MAP4K5: variants seen among roughly 807,000 people sequenced by gnomAD.
MAP4K5 encodes the protein mitogen-activated protein kinase kinase kinase kinase 5, also known as MAPK/ERK kinase kinase kinase 5.
Under a neutral mutation model 135.6 loss-of-function variants are expected in MAP4K5, and 82 were observed. The observed-to-expected ratio is 0.60, with a 90% CI of 0.51 to 0.73. The LOEUF (loss-of-function observed/expected upper bound fraction) is 0.73, where lower values mean the gene tolerates loss of function less well. Ranked by LOEUF, MAP4K5 falls within the 30% of genes least tolerant of loss-of-function variation. The probability of loss-of-function intolerance (pLI) is 0.00; values close to 1 mark genes in which losing one functional copy is unlikely to be tolerated. For missense variants in MAP4K5, 907 were observed against 1,010.9 expected, an observed-to-expected ratio of 0.90 and a Z score of 1.39; for synonymous variants, 347 against 335.0, an observed-to-expected ratio of 1.04 and a Z score of -0.39.
At chr14:50,548,919 A>G (rs1280274630) in intron 1 of MAP4K5, among the ~76,000 whole-genome samples, 1 of 152,228 alleles carries the variant, frequency 6.6e-6, no homozygotes, top group African/African-American at 2.4e-5. Flanking sequence ...ACCAGAAAGC[A>G]GACCACACAA....
intron 13 of MAP4K5, among the ~76,000 whole-genome samples, chr14:50,461,171 G>A (rs145991799): frequency 0.012 from 1,873 of 151,990 alleles, 22 homozygotes; most frequent in Non-Finnish European, 0.019. Context: ...GACTACAGGC[G>A]CCTGCCATCA....
At chr14:50,540,588 T>A (rs2038548548) in intron 2 of MAP4K5, among the ~76,000 whole-genome samples, 1 of 152,162 alleles carries the variant, frequency 6.6e-6, no homozygotes, top group African/African-American at 2.4e-5. Context: ...GGAGGTTAAT[T>A]GATATTAGCT....
chr14:50,518,855 G>C (rs985285949), intron 2 of MAP4K5, among the ~76,000 whole-genome samples: 12 of 152,204 alleles, frequency 7.9e-5, no homozygotes, highest in African/African-American at 2.9e-4. Flanking sequence ...GGAGGAAAGG[G>C]CTTGAGTTTC....
chr14:50,549,952 A>G (rs753367275), intron 1 of MAP4K5, among the ~76,000 whole-genome samples: 1 of 152,230 alleles, frequency 6.6e-6, no homozygotes, highest in Non-Finnish European at 1.5e-5. Context: ...CCTCTGAGAC[A>G]CTGAGCTGTG....
intron 6 of MAP4K5, among the ~76,000 whole-genome samples, chr14:50,480,821 A>C (rs1361210684): frequency 1.3e-5 from 2 of 152,206 alleles, no homozygotes; most frequent in East Asian, 1.9e-4. Flanking sequence ...AAACCTGCAC[A>C]GCACATTAGT....
At chr14:50,451,117 T>TTTC (rs949425300) in intron 14 of MAP4K5, among the ~76,000 whole-genome samples, 3 of 152,178 alleles carry the variant, frequency 2.0e-5, no homozygotes, top group Non-Finnish European at 4.4e-5. Flanking sequence ...TATATACAGG[T>TTTC]ATAGTACATA....
At chr14:50,476,021 G>T in intron 8 of MAP4K5, 107 bp downstream of exon 8, 2 of 585,670 alleles carry the variant, frequency 3.4e-6, no homozygotes, top group Non-Finnish European at 5.8e-6. Flanking sequence ...CTCTTGATAT[G>T]AAAATGAAAT....
chr14:50,526,913 C>G (rs2038277462), intron 2 of MAP4K5, among the ~76,000 whole-genome samples: 1 of 152,032 alleles, frequency 6.6e-6, no homozygotes, highest in Non-Finnish European at 1.5e-5. Flanking sequence ...AGTGATAAGA[C>G]TACATGACAA....
intron 13 of MAP4K5, among the ~76,000 whole-genome samples, chr14:50,457,066 C>A (rs2036607789): frequency 6.6e-6 from 1 of 152,150 alleles, no homozygotes; most frequent in East Asian, 1.9e-4. Context: ...AGAATAAGAA[C>A]AAAGTGATGT....
At chr14:50,538,294 A>G (rs1432822877) in intron 2 of MAP4K5, among the ~76,000 whole-genome samples, 2 of 152,236 alleles carry the variant, frequency 1.3e-5, no homozygotes, top group African/African-American at 4.8e-5. Context: ...TCCCTGCCAC[A>G]TAGAACTGTA....
chr14:50,553,653 C>T (rs1443358768), intron 1 of MAP4K5, among the ~76,000 whole-genome samples: 1 of 152,134 alleles, frequency 6.6e-6, no homozygotes, highest in Non-Finnish European at 1.5e-5. Flanking sequence ...AATGCACACG[C>T]ATGTTTGTAG....
intron 2 of MAP4K5, among the ~76,000 whole-genome samples, chr14:50,540,226 G>C (rs1378642836): frequency 1.3e-5 from 2 of 152,188 alleles, no homozygotes; most frequent in Non-Finnish European, 2.9e-5. Context: ...TGCAAGGATA[G>C]GTGGTGCTAT....
chr14:50,439,381 C>A (rs1312328560), intron 23 of MAP4K5, among the ~76,000 whole-genome samples: 1 of 148,892 alleles, frequency 6.7e-6, no homozygotes, highest in Non-Finnish European at 1.5e-5. Context: ...ACCCGTTCAC[C>A]CCTAATAATA....
chr14:50,532,161 G>C lies in MAP4K5; in HGVS notation c.-109-3C>G. ...GGAGCCTCCGCCCGCAGCTCCGTCT[G>C]CACGAGGGACGAGCAAAGGCTGGTT... is the stretch of plus-strand genomic sequence containing the variant. On this transcript the variant is annotated splice_region_variant and splice_polypyrimidine_tract_variant and intron_variant, in intron 1 of 32. Coordinates refer to ENST00000682126, the MANE Select transcript of MAP4K5 (RefSeq NM_006575.6). 1 of 682,082 alleles carries C rather than the reference G, an allele frequency of 1.5e-6. No individual in the cohort carries two copies. The highest frequency in any genetic ancestry group is 2.5e-6 in the Non-Finnish European group (1 of 405,576). 42.3% of individuals were successfully genotyped at this position (682,082 alleles called of 1,614,324 possible).
chr14:50,548,621 T>A (rs989904756), intron 1 of MAP4K5, among the ~76,000 whole-genome samples: 3 of 152,178 alleles, frequency 2.0e-5, no homozygotes, highest in African/African-American at 7.2e-5. Context: ...GCCATTCTCC[T>A]GCCTCAGCCT....
At chr14:50,547,637 C>T (rs1030423420) in intron 1 of MAP4K5, among the ~76,000 whole-genome samples, 1 of 152,120 alleles carries the variant, frequency 6.6e-6, no homozygotes, top group Non-Finnish European at 1.5e-5. Flanking sequence ...CCCTGTGTGG[C>T]CTGTGAAAAA....
intron 1 of MAP4K5, among the ~76,000 whole-genome samples, chr14:50,547,811 A>G (rs2038652957): frequency 6.6e-6 from 1 of 152,220 alleles, no homozygotes; most frequent in African/African-American, 2.4e-5. Context: ...CTTTTCCAGT[A>G]TTCCTTTAGT....
At chr14:50,421,923 G>C (rs1441816978) in intron 32 of MAP4K5, among the ~76,000 whole-genome samples, 1 of 146,872 alleles carries the variant, frequency 6.8e-6, no homozygotes, top group Non-Finnish European at 1.5e-5. Context: ...ACAGAGTCTT[G>C]CTCTGTCGCC....
chr14:50,499,198 C>T (rs1314710087), intron 3 of MAP4K5, among the ~76,000 whole-genome samples: 1 of 150,058 alleles, frequency 6.7e-6, no homozygotes, highest in African/African-American at 2.4e-5. Context: ...TTTAAGACAA[C>T]AGTGCTTCAA....
Sources: allele counts gnomAD v4.1 joint callset (sites outside exome capture counted in the v4.1 genomes callset), GRCh38; gene constraint gnomAD v4.1.1; transcripts MANE v1.5; gene names NCBI Gene and HGNC (gene_info 2026-07-23, HGNC 2026-07-21).